Variants in DPYD observed in about 807,000 individuals in gnomAD.
The protein encoded by DPYD is dihydropyrimidine dehydrogenase [NADP(+)].
Under a neutral mutation model 116.2 loss-of-function variants are expected in DPYD, and 109 were observed. That is an observed-to-expected ratio of 0.94 (90% CI 0.80 to 1.10). The LOEUF is 1.10. Among genes scored for constraint, DPYD ranks in the 50% least tolerant of loss-of-function variants. DPYD has a pLI of 0.00. For missense variants in DPYD, 1,302 were observed against 1,254.5 expected (o/e 1.04, Z -0.57); for synonymous variants, 440 against 432.0 (o/e 1.02, Z -0.23).
chr1:97,450,937 G>A (rs572649581), intron 13 of DPYD, among the ~76,000 whole-genome samples: 1 of 152,080 alleles, frequency 6.6e-6, no homozygotes, highest in South Asian at 2.1e-4. Flanking sequence ...TAACGAAGAA[G>A]AATAACATTC....
intron 3 of DPYD, among the ~76,000 whole-genome samples, chr1:97,767,416 C>A (rs1361679690): frequency 6.6e-6 from 1 of 152,242 alleles, no homozygotes; most frequent in East Asian, 1.9e-4. Flanking sequence ...CTGAGACAAA[C>A]TGCTTTGACC....
At chr1:97,547,652 TTC>T (rs1339378649) in intron 12 of DPYD, among the ~76,000 whole-genome samples, 1 of 151,444 alleles carries the variant, frequency 6.6e-6, no homozygotes, top group African/African-American at 2.4e-5. Context: ...ACAGGCTCCT[TTC>T]TCTCTCTTTC....
At chr1:97,558,546 G>T (rs188101467) in intron 11 of DPYD, among the ~76,000 whole-genome samples, 1 of 152,174 alleles carries the variant, frequency 6.6e-6, no homozygotes, top group Admixed American at 6.5e-5. Context: ...TTAAATATCT[G>T]ATTTTCCTAC....
intron 13 of DPYD, among the ~76,000 whole-genome samples, chr1:97,469,202 T>C (rs1405573219): frequency 1.3e-5 from 2 of 152,024 alleles, no homozygotes; most frequent in South Asian, 2.1e-4. Context: ...GCACTAGATA[T>C]AATTATTTTC....
intron 22 of DPYD, 72 bp from the exon 23 acceptor site, chr1:97,079,218 C>A: frequency 1.3e-6 from 2 of 1,539,288 alleles, no homozygotes; most frequent in South Asian, 2.2e-5. Context: ...TTAGCGTTAA[C>A]ATTTTTCTCT....
chr1:97,748,607 T>A (rs1338791539), intron 3 of DPYD, among the ~76,000 whole-genome samples: 1 of 151,972 alleles, frequency 6.6e-6, no homozygotes, highest in Admixed American at 6.6e-5. Flanking sequence ...ATACTCCATC[T>A]CAAATTAATA....
intron 1 of DPYD, among the ~76,000 whole-genome samples, chr1:97,890,909 C>G (rs1571539198): frequency 6.6e-6 from 1 of 151,878 alleles, no homozygotes. Context: ...ACTTTTCTTT[C>G]ACATAGCATA....
intron 16 of DPYD, among the ~76,000 whole-genome samples, chr1:97,356,245 T>C (rs1570583887): frequency 6.6e-6 from 1 of 152,246 alleles, no homozygotes; most frequent in East Asian, 1.9e-4. Context: ...GAAATGTCTA[T>C]TCAGCTCCCT....
intron 14 of DPYD, among the ~76,000 whole-genome samples, chr1:97,404,353 C>A (rs529423465): frequency 6.6e-6 from 1 of 151,838 alleles, no homozygotes; most frequent in South Asian, 2.1e-4. Flanking sequence ...GATTTTCTAC[C>A]TGCTGGATCT....
At chr1:97,269,584 C>T (rs1664445558) in intron 18 of DPYD, among the ~76,000 whole-genome samples, 2 of 152,128 alleles carry the variant, frequency 1.3e-5, no homozygotes, top group Admixed American at 6.6e-5. Context: ...CTTATAGTTC[C>T]AAAGGCTGGG....
chr1:97,193,344 T>C lies in DPYD; in HGVS notation c.2443-96A>G, dbSNP rs930712084. 2.3e-6 allele frequency: 3 copies of C among 1,288,896 alleles called. No individual in the cohort carries two copies. The African/African-American group carries it at 4.4e-5, about 19-fold the overall frequency. The allele number at this position is 1,288,896 out of a possible 1,614,324, so 79.8% of individuals were successfully genotyped here. A position where few individuals can be genotyped will look rare whatever the true frequency, so the allele number is the denominator to read the frequency against. On this transcript the variant is annotated intron_variant, in intron 19 of 22. Transcript: ENST00000370192. ...TGAGTCAACAAATATTTATTTTATGTGCCAGGCACTGTTTGAGGCATGATG... is the reference window on the plus strand; with the variant it reads ...TGAGTCAACAAATATTTATTTTATGCGCCAGGCACTGTTTGAGGCATGATG...
chr1:97,156,662 G>A (rs1242965488), intron 20 of DPYD, among the ~76,000 whole-genome samples: 1 of 152,110 alleles, frequency 6.6e-6, no homozygotes, highest in Admixed American at 6.6e-5. Context: ...CTTTTACACT[G>A]TTGGTGGGAC....
At chr1:97,742,599 T>G (rs577442130) in intron 3 of DPYD, among the ~76,000 whole-genome samples, 21 of 152,250 alleles carry the variant, frequency 1.4e-4, no homozygotes, top group Non-Finnish European at 2.9e-4. Flanking sequence ...AAATAATTTC[T>G]TCGAAGTATA....
chr1:97,901,385 G>C (rs1257315860), intron 1 of DPYD, among the ~76,000 whole-genome samples: 2 of 151,810 alleles, frequency 1.3e-5, no homozygotes, highest in African/African-American at 4.8e-5. Context: ...TCAGATTAAA[G>C]AAAAGTCTAT....
chr1:97,541,679 G>A (rs1650461838), intron 12 of DPYD, among the ~76,000 whole-genome samples: 2 of 152,094 alleles, frequency 1.3e-5, no homozygotes. Flanking sequence ...TAATGTATGT[G>A]TATATCCTTT....
At chr1:97,663,164 C>T (rs1306716064) in intron 8 of DPYD, among the ~76,000 whole-genome samples, 1 of 152,140 alleles carries the variant, frequency 6.6e-6, no homozygotes, top group East Asian at 1.9e-4. Context: ...CCTCTCCTGC[C>T]CACACTTCTC....
At chr1:97,477,607 T>C (rs901376245) in intron 13 of DPYD, among the ~76,000 whole-genome samples, 3 of 8,098 alleles carry the variant, frequency 3.7e-4, no homozygotes, top group African/African-American at 7.7e-4. Flanking sequence ...TGTTCTTCTT[T>C]TTTTTTTTTT....
In DPYD at chr1:97,525,885, T is replaced by C. The variant is rs201380900; in HGVS notation, c.1525-9944A>G. Reference sequence around the variant, plus strand: ...TTAAGAGTGTGCGTGTGTGTGTGTGTGCGCGCGCGCGTGTGTGTGTGTGTG... The same window carrying C: ...TTAAGAGTGTGCGTGTGTGTGTGTGCGCGCGCGCGCGTGTGTGTGTGTGTG... On this transcript the variant is annotated intron_variant, in intron 12 of 22. Transcript: ENST00000370192. 4.1e-3 allele frequency among the ~76,000 whole-genome samples: 273 copies of C among 65,924 alleles called. 1 individual carries two copies. The highest frequency in any genetic ancestry group is 0.033 in the South Asian group (50 of 1,538). 43.2% of individuals were successfully genotyped at this position (65,924 alleles called of 152,430 possible). A position where few individuals can be genotyped will look rare whatever the true frequency, so the allele number is the denominator to read the frequency against.
intron 3 of DPYD, among the ~76,000 whole-genome samples, chr1:97,756,593 A>G (rs1665256316): frequency 6.6e-6 from 1 of 152,106 alleles, no homozygotes. Flanking sequence ...TTAAGCTGTG[A>G]AATTTCTCAC....
Sources: gnomAD v4.1 joint callset for allele counts (sites outside exome capture counted in the v4.1 genomes callset) on GRCh38, gnomAD v4.1.1 for gene constraint, MANE v1.5 for transcripts, NCBI Gene and HGNC (gene_info 2026-07-23, HGNC 2026-07-21) for gene names.